Variants in MPDZ observed in about 807,000 individuals in gnomAD.
MPDZ encodes the protein multiple PDZ domain protein.
In MPDZ, 234 loss-of-function variants were observed where a neutral mutation model predicts 239.1. That is an observed-to-expected ratio of 0.98 (90% confidence interval 0.88 to 1.09). The LOEUF (loss-of-function observed/expected upper bound fraction) is 1.09. Among genes scored for constraint, MPDZ ranks in the 50% least tolerant of loss-of-function variants. MPDZ has a pLI of 0.00. For synonymous variants in MPDZ, 1,048 were observed against 881.3 expected (o/e 1.19, Z -3.35); for missense variants, 3,175 against 2,510.0 (o/e 1.26, Z -5.66).
At chr9:13,256,075 G>C (rs1232547485) in intron 1 of MPDZ, among the ~76,000 whole-genome samples, 1 of 152,186 alleles carries the variant, frequency 6.6e-6, no homozygotes, top group Non-Finnish European at 1.5e-5. Context: ...CTCTACATGA[G>C]CACTTGCTGC....
At chr9:13,265,257 G>A (rs1223218634) in intron 1 of MPDZ, among the ~76,000 whole-genome samples, 2 of 152,160 alleles carry the variant, frequency 1.3e-5, no homozygotes, top group African/African-American at 4.8e-5. Context: ...GCAATTCAAT[G>A]AGCCCAGGTC....
chr9:13,107,102 A>G lies in MPDZ; in HGVS notation c.6076T>C (p.Ser2026Pro). 6.4e-7 allele frequency: 1 copy of G among 1,571,536 alleles called. No homozygotes were observed. Among genetic ancestry groups the G allele is most frequent in the Non-Finnish European group, 8.7e-7 (1 of 1,148,442 alleles). ...CCCCTTTTCAGACGTCCGTCTTCAG[A>G]GGCTGCTCCCTGCAAATTATAAAGT... is the stretch of plus-strand genomic sequence containing the variant. ...VKTVFAKGAA[S>P]EDGRLKRGDQ... Residue 2026 changes from serine (S) to proline (P), a missense_variant, in exon 47 of 47, where the codon TCT becomes CCT. Ser to Pro is a moderately conservative substitution (Grantham distance 74). Coordinates refer to ENST00000319217, the MANE Select transcript of MPDZ (RefSeq NM_001378778.1).
intron 12 of MPDZ, among the ~76,000 whole-genome samples, chr9:13,202,453 G>A (rs1014737227): frequency 6.6e-6 from 1 of 152,122 alleles, no homozygotes; most frequent in Non-Finnish European, 1.5e-5. Context: ...TCCACAGATT[G>A]TACCCCAGAA....
chr9:13,217,310 T>A lies in MPDZ; in HGVS notation c.1087-16A>T, dbSNP rs1958474792. The A allele has an allele frequency of 6.9e-7, 1 of 1,454,378 alleles. No homozygotes were observed. The highest frequency in any genetic ancestry group is 1.4e-5 in the African/African-American group (1 of 70,238). 90.1% of individuals were successfully genotyped at this position (1,454,378 alleles called of 1,614,324 possible). On this transcript the variant is annotated splice_polypyrimidine_tract_variant and intron_variant, in intron 8 of 46. Coordinates refer to ENST00000319217, the MANE Select transcript of MPDZ (RefSeq NM_001378778.1). The stretch of plus-strand genomic sequence containing the variant: ...AAGCATCAACCTAAAATAAAATCAA[T>A]AAATATACAGTGAAATAATACGTAA...
intron 39 of MPDZ, among the ~76,000 whole-genome samples, chr9:13,116,216 G>T (rs571369217): frequency 6.6e-6 from 1 of 152,274 alleles, no homozygotes; most frequent in Non-Finnish European, 1.5e-5. Context: ...ATATGAAGTA[G>T]CACAAGAAGG....
chr9:13,274,826 T>C (rs1467306381), intron 1 of MPDZ, among the ~76,000 whole-genome samples: 1 of 152,088 alleles, frequency 6.6e-6, no homozygotes, highest in East Asian at 1.9e-4. Context: ...CACTGAGACA[T>C]TTACAACACA....
chr9:13,191,187 C>T (rs762921331), intron 15 of MPDZ, among the ~76,000 whole-genome samples: 16 of 152,206 alleles, frequency 1.1e-4, no homozygotes, highest in Non-Finnish European at 1.6e-4. Flanking sequence ...ATATAGGGTA[C>T]TAGACTTTGA....
At position 13,106,767 on chromosome 9, in the gene MPDZ, CAAG is replaced by C. The variant is rs1277664597; in HGVS notation, c.*195_*197del. 4 of 550,454 alleles carry C rather than the reference CAAG, an allele frequency of 7.3e-6. No homozygotes were observed. Among genetic ancestry groups the C allele is most frequent in the Admixed American group, 3.1e-5 (1 of 32,024 alleles). 34.1% of individuals were successfully genotyped at this position (550,454 alleles called of 1,614,324 possible). On this transcript the variant is annotated 3_prime_UTR_variant, in exon 47 of 47. Coordinates refer to ENST00000319217, the MANE Select transcript of MPDZ (RefSeq NM_001378778.1). ...TCCTTCTCTTTAAGTTCACAAAATG[CAAG>C]AAGAAAAGAAAAATGATGTTAGGTT...
chr9:13,138,876 G>C (rs1947243578), intron 28 of MPDZ, among the ~76,000 whole-genome samples: 2 of 152,278 alleles, frequency 1.3e-5, no homozygotes, highest in East Asian at 3.9e-4. Flanking sequence ...TGTCTTGGAA[G>C]TCCAGCCCAG....
intron 3 of MPDZ, among the ~76,000 whole-genome samples, chr9:13,242,151 A>G (rs1175034956): frequency 6.6e-6 from 1 of 150,984 alleles, no homozygotes; most frequent in African/African-American, 2.4e-5. Context: ...TTTCACAATT[A>G]TAACTGAAGA....
chr9:13,189,114 C>A, intron 16 of MPDZ, 121 bp from the exon 17 acceptor site: 1 of 772,100 alleles, frequency 1.3e-6, no homozygotes, highest in Non-Finnish European at 2.0e-6. Flanking sequence ...ATTTTCATGC[C>A]AAAAAAAATC....
intron 39 of MPDZ, among the ~76,000 whole-genome samples, chr9:13,118,300 T>C (rs771536858): frequency 1.3e-5 from 2 of 152,258 alleles, no homozygotes; most frequent in Non-Finnish European, 2.9e-5. Context: ...GAATTCTAAT[T>C]ACATTATGTT....
At chr9:13,118,783 A>C (rs1282115292) in intron 39 of MPDZ, among the ~76,000 whole-genome samples, 1 of 152,196 alleles carries the variant, frequency 6.6e-6, no homozygotes, top group Non-Finnish European at 1.5e-5. Flanking sequence ...TTTTAAAATG[A>C]AACTGGTTCT....
chr9:13,218,927 T>C (rs1319662695), intron 8 of MPDZ, among the ~76,000 whole-genome samples: 1 of 151,966 alleles, frequency 6.6e-6, no homozygotes, highest in Admixed American at 6.6e-5. Context: ...TTGACAAGGA[T>C]GGAATGCTAT....
At chr9:13,117,525 C>T (rs1166450452) in intron 39 of MPDZ, among the ~76,000 whole-genome samples, 4 of 117,500 alleles carry the variant, frequency 3.4e-5, no homozygotes, top group South Asian at 2.8e-4. Flanking sequence ...AGCGGGACTC[C>T]GTCTCAAAAA....
rs775394111 is a variant in MPDZ at position 13,162,690 on chromosome 9, C to T, written c.3359+1G>A. 2.8e-5 allele frequency: 45 copies of T among 1,593,562 alleles called. No homozygotes were observed. The highest frequency in any genetic ancestry group is 3.8e-5 in the Non-Finnish European group (44 of 1,163,734). ...TGTATTAGATTTAATGTTTCACTTA[C>T]CTGCCAGTGTATGAAGAAAAAATAT... On this transcript the variant is annotated splice_donor_variant, in intron 23 of 46. Transcript: ENST00000319217. LOFTEE classifies it high-confidence loss of function.
chr9:13,278,969 C>T (rs1974918592), intron 1 of MPDZ: 1 of 152,184 alleles, frequency 6.6e-6, no homozygotes, highest in African/African-American at 2.4e-5. Flanking sequence ...CACCCCACCC[C>T]CAGCCCCCCG....
intron 7 of MPDZ, 102 bp from the exon 8 acceptor site, chr9:13,219,870 T>G: frequency 9.0e-7 from 1 of 1,110,926 alleles, no homozygotes; most frequent in Non-Finnish European, 1.3e-6. Flanking sequence ...ATAATATGAG[T>G]TACCAATCAG....
At chr9:13,215,554 C>G (rs563302168) in intron 10 of MPDZ, among the ~76,000 whole-genome samples, 1 of 151,306 alleles carries the variant, frequency 6.6e-6, no homozygotes, top group Admixed American at 6.6e-5. Flanking sequence ...CCTTAATATC[C>G]TACTTTCTCA....
Sources: gnomAD v4.1 joint callset for allele counts (sites outside exome capture counted in the v4.1 genomes callset) on GRCh38, gnomAD v4.1.1 for gene constraint, MANE v1.5 for transcripts, NCBI Gene and HGNC (gene_info 2026-07-23, HGNC 2026-07-21) for gene names.